The following TARM1 variants were observed in gnomAD, a reference collection of about 807,000 sequenced individuals.
The protein encoded by TARM1 is T cell-interacting, activating receptor on myeloid cells 1.
A neutral mutation model predicts 30.4 loss-of-function variants in TARM1; 24 were observed. The observed-to-expected ratio is 0.79, with a 90% CI of 0.57 to 1.11. The LOEUF is 1.11. Ranked by LOEUF, TARM1 falls within the 50% of genes least tolerant of loss-of-function variation. The pLI is 0.00. For synonymous variants in TARM1, 129 were observed against 138.9 expected (o/e 0.93, Z 0.50); for missense variants, 323 against 332.8 (o/e 0.97, Z 0.23).
chr19:54,072,447 A>T (rs1478215264), intron 4 of TARM1, among the ~76,000 whole-genome samples: 1 of 152,164 alleles, frequency 6.6e-6, no homozygotes, highest in East Asian at 1.9e-4. Flanking sequence ...AGACATGGGT[A>T]GACTTCGCAT....
rs2071938448 is a variant in TARM1 at position 54,075,894 on chromosome 19, G to A, written c.59C>T (p.Thr20Ile). 1.3e-6 allele frequency: 2 copies of A among 1,551,212 alleles called. No individual in the cohort carries two copies. The highest frequency in any genetic ancestry group is 2.0e-5 in the Admixed American group (1 of 50,942). ...GAAGAAACACTCACCATCTCCCCTT[G>A]TGTCTCCTTGGCCCACGCACAGTCC... ...CFRLCVGQGDTRGDGSLPKPS... is the reference protein window; with the variant it reads ...CFRLCVGQGDIRGDGSLPKPS... Residue 20 changes from threonine to isoleucine, a missense_variant, in exon 2 of 5, where the codon ACA (threonine) becomes ATA (isoleucine). Transcript: ENST00000432826.
intron 4 of TARM1, among the ~76,000 whole-genome samples, chr19:54,073,280 A>G (rs1406797676): frequency 1.3e-5 from 2 of 150,944 alleles, no homozygotes; most frequent in East Asian, 2.0e-4. Flanking sequence ...TGGGTGGTGC[A>G]GGCCTGTAAT....
chr19:54,080,097 A>T (rs2072065525), intron 1 of TARM1, among the ~76,000 whole-genome samples: 1 of 32,648 alleles, frequency 3.1e-5, no homozygotes, highest in Non-Finnish European at 7.0e-5. Flanking sequence ...GAAAGAAAGG[A>T]AGGAAGGAAG....
intron 4 of TARM1, among the ~76,000 whole-genome samples, 181 bp downstream of exon 4, chr19:54,073,739 C>T (rs1255326527): frequency 6.6e-6 from 1 of 152,016 alleles, no homozygotes; most frequent in Non-Finnish European, 1.5e-5. Flanking sequence ...ATGATCCATC[C>T]ACCTCGGCCT....
At chr19:54,075,761 C>A in intron 2 of TARM1, 122 bp downstream of exon 2, 1 of 1,169,364 alleles carries the variant, frequency 8.6e-7, no homozygotes, top group East Asian at 2.6e-5. Flanking sequence ...CCACCGCACT[C>A]CAGCCTGGCG....
At position 54,080,097 on chromosome 19, in the gene TARM1, AAGGAAGGAAGGAAGGAAGGAAGG is replaced by A. The variant is rs2072066027; in HGVS notation, c.34+1187_34+1209del. On this transcript the variant is annotated intron_variant, in intron 1 of 4. Transcript: ENST00000432826. ...AATGAAGGAGAAAGAGAAAGAAAGG[AAGGAAGGAAGGAAGGAAGGAAGG>A]AAGGAAGGAAGGAAGGAAGAAAGCA... is the stretch of plus-strand genomic sequence containing the variant. 2.4e-4 allele frequency among the ~76,000 whole-genome samples: 8 copies of A among 32,654 alleles called. No individual in the cohort carries two copies. The East Asian group carries it at 5.3e-3, about 21-fold the overall frequency. The allele number at this position is 32,654 out of a possible 152,430, so 21.4% of individuals were successfully genotyped here.
chr19:54,072,459 C>T (rs1399979404), intron 4 of TARM1, among the ~76,000 whole-genome samples: 1 of 152,046 alleles, frequency 6.6e-6, no homozygotes, highest in African/African-American at 2.4e-5. Flanking sequence ...ACTTCGCATC[C>T]ACGGCATAGA....
At chr19:54,070,983 C>T (rs764324324) in intron 4 of TARM1, among the ~76,000 whole-genome samples, 27 of 151,922 alleles carry the variant, frequency 1.8e-4, no homozygotes, top group Non-Finnish European at 2.9e-4. Context: ...TTTGAGACGA[C>T]GTCTCACTCT....
At chr19:54,078,612 C>A (rs1332876349) in intron 1 of TARM1, among the ~76,000 whole-genome samples, 2 of 151,844 alleles carry the variant, frequency 1.3e-5, no homozygotes, top group Non-Finnish European at 2.9e-5. Flanking sequence ...CTCCTTACGT[C>A]AGGTCATTGC....
At chr19:54,075,958 G>C in intron 1 of TARM1, 40 bp from the exon 2 acceptor site, 1 of 1,549,688 alleles carries the variant, frequency 6.5e-7, no homozygotes, top group East Asian at 2.4e-5. Context: ...CCCCTACCTG[G>C]AGCCACGTCA....
rs1361040679 is a variant in TARM1 at position 54,074,899 on chromosome 19, T to G, written c.286A>C (p.Thr96Pro). ...NLKVRNAGEY[T>P]CEYYRKASPH... ...GATGCTTTTCTGTAGTATTCACAGG[T>G]GTACTCTCCAGCATTTCTGACTTTT... Residue 96 changes from threonine (T) to proline (P), a missense_variant, in exon 3 of 5, where the codon ACC becomes CCC. Coordinates refer to ENST00000432826, the MANE Select transcript of TARM1 (RefSeq NM_001135686.3). 6.4e-7 allele frequency: 1 copy of G among 1,551,584 alleles called. No homozygotes were observed. Among genetic ancestry groups the G allele is most frequent in the East Asian group, 2.4e-5 (1 of 40,914 alleles).
At position 54,076,755 on chromosome 19, in the gene TARM1, C is replaced by T. The variant is rs138464266; in HGVS notation, c.35-837G>A. Among the ~76,000 whole-genome samples, 924 of 152,130 alleles carry T rather than the reference C, an allele frequency of 6.1e-3. 10 individuals are homozygous for T. The highest frequency in any genetic ancestry group is 0.017 in the African/African-American group (721 of 41,522). On this transcript the variant is annotated intron_variant, in intron 1 of 4. Coordinates refer to ENST00000432826, the MANE Select transcript of TARM1 (RefSeq NM_001135686.3). The stretch of plus-strand genomic sequence containing the variant: ...TTGGAGTGCAGTGGCTCCATCATGG[C>T]TCACTGTAGCCTCCCAGGCTCAAGT...
At chr19:54,079,423 T>C (rs1257173709) in intron 1 of TARM1, among the ~76,000 whole-genome samples, 2 of 152,214 alleles carry the variant, frequency 1.3e-5, no homozygotes, top group Non-Finnish European at 2.9e-5. Context: ...GATGCTGGGA[T>C]ATCTGGTTAA....
chr19:54,076,303 A>G (rs1318047698), intron 1 of TARM1: 1 of 1,127,972 alleles, frequency 8.9e-7, no homozygotes, highest in Non-Finnish European at 1.2e-6. Context: ...CATTCCAGAG[A>G]CAGAGTCTCG....
At chr19:54,075,790 A>C in intron 2 of TARM1, 93 bp downstream of exon 2, 1 of 844,986 alleles carries the variant, frequency 1.2e-6, no homozygotes, top group East Asian at 3.9e-5. Context: ...AGACTCCGTC[A>C]AAAAAAAAAG....
intron 1 of TARM1, among the ~76,000 whole-genome samples, chr19:54,079,756 G>A (rs2072049403): frequency 6.6e-6 from 1 of 152,068 alleles, no homozygotes; most frequent in African/African-American, 2.4e-5. Context: ...GGGAGGCTGA[G>A]GCTGAGGCGG....
At chr19:54,078,194 T>G (rs1250432123) in intron 1 of TARM1, among the ~76,000 whole-genome samples, 2 of 135,794 alleles carry the variant, frequency 1.5e-5, no homozygotes, top group African/African-American at 2.8e-5. Context: ...TTTTTTTTTT[T>G]TTTTTTTTTG....
chr19:54,075,904 G>A lies in TARM1; in HGVS notation c.49C>T (p.Gln17Ter), dbSNP rs752645367. The A allele has an allele frequency of 1.9e-6, 3 of 1,551,126 alleles. No homozygotes were observed. Among genetic ancestry groups the A allele is most frequent in the African/African-American group, 1.4e-5 (1 of 72,998 alleles). The change falls in exon 2 of 5, where the codon CAA (glutamine) becomes TAA (stop). Residue 17 changes from glutamine (Q) to a stop codon, truncating the protein, a stop_gained. Coordinates refer to ENST00000432826, the MANE Select transcript of TARM1 (RefSeq NM_001135686.3). LOFTEE classifies it high-confidence loss of function. ...TCACCATCTCCCCTTGTGTCTCCTT[G>A]GCCCACGCACAGTCCTGCAAGACAA... ...SLLCFRLCVG[Q>*]GDTRGDGSLP...
chr19:54,078,741 G>T (rs1364952067), intron 1 of TARM1, among the ~76,000 whole-genome samples: 4 of 147,602 alleles, frequency 2.7e-5, no homozygotes, highest in Non-Finnish European at 4.5e-5. Flanking sequence ...GGGCTCAAGC[G>T]ATCTGCCTGC....
Sources: allele counts gnomAD v4.1 joint callset (sites outside exome capture counted in the v4.1 genomes callset), GRCh38; gene constraint gnomAD v4.1.1; transcripts MANE v1.5; gene names NCBI Gene and HGNC (gene_info 2026-07-23, HGNC 2026-07-21).